The following LHX4 variants were observed in gnomAD, a reference collection of about 807,000 sequenced individuals.
The protein encoded by LHX4 is LIM homeobox 4.
LHX4 carries 16 observed loss-of-function variants against 39.2 expected under a neutral mutation model. The ratio of observed to expected loss-of-function variants is 0.41; its 90% CI spans 0.28 to 0.62. The LOEUF is 0.62. Among genes scored for constraint, LHX4 ranks in the 20% least tolerant of loss-of-function variants. The pLI, the probability that LHX4 is intolerant of heterozygous loss-of-function variation, is 0.33. For missense variants in LHX4, 439 were observed against 511.9 expected, an observed-to-expected ratio of 0.86 and a Z score of 1.37; for synonymous variants, 206 against 198.1, an observed-to-expected ratio of 1.04 and a Z score of -0.33.
At chr1:180,258,420 A>G (rs388739) in intron 2 of LHX4, among the ~76,000 whole-genome samples, 29,603 of 152,020 alleles carry the variant, frequency 0.19, 5,948 homozygotes, top group African/African-American at 0.52. Context: ...GCCGTTAGGG[A>G]GCCTGTGGCT....
At position 180,249,906 on chromosome 1, in the gene LHX4, T is replaced by C. The variant is rs1029670424; in HGVS notation, c.248+1450T>C. Among the ~76,000 whole-genome samples, 13 of 146,998 alleles carry C rather than the reference T, an allele frequency of 8.8e-5. 1 individual carries two copies. On this transcript the variant is annotated intron_variant, in intron 2 of 5. Transcript: ENST00000263726. ...GTGTGAGTGTGTGTATGAGTGTGTG[T>C]GTGACAGTGTGTGTGAGAGTGTGTG...
chr1:180,270,248 G>A (rs1334973442), intron 3 of LHX4: 1 of 152,264 alleles, frequency 6.6e-6, no homozygotes. Flanking sequence ...GCTAACACAT[G>A]TTGGCTACTA....
rs549370365 is a variant in LHX4 at position 180,275,821 on chromosome 1, G to A, written c.*1242G>A. The A allele has an allele frequency of 6.6e-6, 1 of 152,428 alleles. No homozygotes were observed. Among genetic ancestry groups the A allele is most frequent in the South Asian group, 2.1e-4 (1 of 4,834 alleles). The allele number at this position is 152,428 out of a possible 1,614,324, so 9.4% of individuals were successfully genotyped here. On this transcript the variant is annotated 3_prime_UTR_variant, in exon 6 of 6. Coordinates refer to ENST00000263726, the MANE Select transcript of LHX4 (RefSeq NM_033343.4). ...GCCTTGGGCTGCAGTCCCATGGTCAGAAAGCCAGAACTCTCTGGCCAGTGG... is the reference window on the plus strand; with the variant it reads ...GCCTTGGGCTGCAGTCCCATGGTCAAAAAGCCAGAACTCTCTGGCCAGTGG...
In LHX4 at chr1:180,234,848, G is replaced by C. The variant is rs1418490157; in HGVS notation, c.76+4243G>C. On this transcript the variant is annotated intron_variant, in intron 1 of 5. Transcript: ENST00000263726. This position sits in a 1 kb window ranked among gnomAD's most constrained non-coding sequence, Gnocchi z 4.8. ...GGGCTGAGCAGGAGTGGCGTCCTAG[G>C]GTCTGGGAGCGCGACCCACATGACC... Among the ~76,000 whole-genome samples the C allele has an allele frequency of 6.6e-6, 1 of 152,238 alleles. No individual in the cohort carries two copies. Among genetic ancestry groups the C allele is most frequent in the Non-Finnish European group, 1.5e-5 (1 of 68,042 alleles).
chr1:180,229,177 T>C (rs1228853173), upstream of LHX4, among the ~76,000 whole-genome samples: 3 of 152,234 alleles, frequency 2.0e-5, no homozygotes, highest in African/African-American at 7.2e-5. Flanking sequence ...GCCCTTTCGC[T>C]GGTTAACCCC....
At chr1:180,239,181 G>A (rs1211258122) in intron 1 of LHX4, among the ~76,000 whole-genome samples, 1 of 152,178 alleles carries the variant, frequency 6.6e-6, no homozygotes, top group Non-Finnish European at 1.5e-5. Flanking sequence ...ATATCCTGTA[G>A]CTTCACCTTG....
Position 180,277,749 on chromosome 1 carries a change from A to G in LHX4, c.*3170A>G, listed in dbSNP as rs1203066067. 2.0e-5 allele frequency: 3 copies of G among 152,164 alleles called. No homozygotes were observed. The highest frequency in any genetic ancestry group is 4.8e-5 in the African/African-American group (2 of 41,428). 9.4% of individuals were successfully genotyped at this position (152,164 alleles called of 1,614,324 possible). ...CTTGTCTCATCTGACAGTTATGAAT[A>G]TAACGTAAAATAAAGATCAACTATC... On this transcript the variant is annotated 3_prime_UTR_variant, in exon 6 of 6. Transcript: ENST00000263726.
Position 180,232,447 on chromosome 1 carries a change from T to G in LHX4, c.76+1842T>G, listed in dbSNP as rs1247562401. Among the ~76,000 whole-genome samples, 1 of 151,910 alleles carries G rather than the reference T, an allele frequency of 6.6e-6. No individual in the cohort carries two copies. Among genetic ancestry groups the G allele is most frequent in the African/African-American group, 2.4e-5 (1 of 41,380 alleles). On this transcript the variant is annotated intron_variant, in intron 1 of 5. Transcript: ENST00000263726. This position sits in a 1 kb window ranked among gnomAD's most constrained non-coding sequence, Gnocchi z 5.4. Reference sequence around the variant, plus strand: ...TTTGCTAAAATGCCCAGAACTCACCTTCAGAGCTACAGTTTGCCAAGGCTG... The same window carrying G: ...TTTGCTAAAATGCCCAGAACTCACCGTCAGAGCTACAGTTTGCCAAGGCTG...
intron 1 of LHX4, among the ~76,000 whole-genome samples, chr1:180,237,241 T>C (rs1301502931): frequency 6.6e-6 from 1 of 151,946 alleles, no homozygotes; most frequent in East Asian, 1.9e-4. Context: ...AGGGCGGTCG[T>C]GTGTCCAGCA....
chr1:180,245,218 G>A (rs3911336), intron 1 of LHX4, among the ~76,000 whole-genome samples: 27,345 of 152,116 alleles, frequency 0.18, 2,589 homozygotes, highest in African/African-American at 0.2. Flanking sequence ...GGAGAAACCC[G>A]CTCCCCCTTG....
At position 180,274,485 on chromosome 1, in the gene LHX4, C is replaced by A. The variant is rs755779045; in HGVS notation, c.1079C>A (p.Thr360Asn). Residue 360 changes from threonine to asparagine, a missense_variant, in exon 6 of 6, where the codon ACC becomes AAC. Transcript: ENST00000263726. ...CTGAGAGCCATGGCTGGGGGACCCA[C>A]CTCTGACATCTCCACAGGAAGCAGT... Reference protein sequence around the residue: ...QTLRAMAGGPTSDISTGSSVG... With the variant: ...QTLRAMAGGPNSDISTGSSVG... The A allele has an allele frequency of 8.7e-6, 14 of 1,613,830 alleles. No individual in the cohort carries two copies. The highest frequency in any genetic ancestry group is 1.2e-5 in the Non-Finnish European group (14 of 1,180,038).
chr1:180,242,120 C>T (rs1571260459), intron 1 of LHX4, among the ~76,000 whole-genome samples: 1 of 152,280 alleles, frequency 6.6e-6, no homozygotes, highest in East Asian at 1.9e-4. Context: ...TCACTCCCTA[C>T]TCTCCCCACT....
rs775114506 is a variant in LHX4, at chr1:180,232,057, T to C, written c.76+1452T>C. Among the ~76,000 whole-genome samples, 1 of 152,156 alleles carries C rather than the reference T, an allele frequency of 6.6e-6. No homozygotes were observed. The highest frequency in any genetic ancestry group is 1.5e-5 in the Non-Finnish European group (1 of 68,026). ...CGCTAAGATGTTTTCATAGAAGGCA[T>C]TGGAGATTCACTACGCCCCACACCC... is the stretch of plus-strand genomic sequence containing the variant. On this transcript the variant is annotated intron_variant, in intron 1 of 5. Coordinates refer to ENST00000263726, the MANE Select transcript of LHX4 (RefSeq NM_033343.4). This position sits in a 1 kb window ranked among gnomAD's most constrained non-coding sequence, Gnocchi z 5.4.
chr1:180,259,938 G>A (rs1324229468), intron 2 of LHX4, among the ~76,000 whole-genome samples: 1 of 151,570 alleles, frequency 6.6e-6, no homozygotes, highest in Admixed American at 6.6e-5. Flanking sequence ...ACAAGGTCTG[G>A]GGGAGTGAGC....
intron 1 of LHX4, among the ~76,000 whole-genome samples, chr1:180,236,803 A>G (rs762889739): frequency 5.3e-5 from 8 of 152,198 alleles, no homozygotes; most frequent in Non-Finnish European, 7.3e-5. Context: ...AGCTGAAGAG[A>G]GGACAAAAGG....
rs936346278 is a variant in LHX4 at position 180,276,623 on chromosome 1, C to T, written c.*2044C>T. ...TGTGAGGAAAGGAAAATGCAGTCGT[C>T]TTTTTGGAGGATGGCTTTTTAAATA... On this transcript the variant is annotated 3_prime_UTR_variant, in exon 6 of 6. Coordinates refer to ENST00000263726, the MANE Select transcript of LHX4 (RefSeq NM_033343.4). 6.6e-6 allele frequency: 1 copy of T among 152,200 alleles called. No individual in the cohort carries two copies. The highest frequency in any genetic ancestry group is 2.4e-5 in the African/African-American group (1 of 41,452). 9.4% of individuals were successfully genotyped at this position (152,200 alleles called of 1,614,324 possible).
intron 2 of LHX4, 52 bp downstream of exon 2, chr1:180,248,508 A>C: frequency 4.4e-6 from 7 of 1,591,124 alleles, no homozygotes; most frequent in Non-Finnish European, 6.0e-6. Context: ...GCCTCTCCCC[A>C]AGCAGTGAGG....
At chr1:180,246,282 G>C (rs779613446) in intron 1 of LHX4, among the ~76,000 whole-genome samples, 1 of 152,168 alleles carries the variant, frequency 6.6e-6, no homozygotes, top group African/African-American at 2.4e-5. Context: ...AAGTACAAAC[G>C]TCTTAATAGT....
Position 180,255,496 on chromosome 1 carries a change from T to A in LHX4, c.248+7040T>A, listed in dbSNP as rs1243138044. Among the ~76,000 whole-genome samples the A allele has an allele frequency of 2.6e-5, 4 of 152,246 alleles. No individual in the cohort carries two copies. In the East Asian group the frequency reaches 7.7e-4, roughly 29 times the overall value. On this transcript the variant is annotated intron_variant, in intron 2 of 5. Transcript: ENST00000263726. ...TGTGTGACTTTCCATAATTTCTGAA[T>A]AGTTTATAGTCTAATTTCCTCGCTA...
Sources: gnomAD v4.1 joint callset for allele counts (sites outside exome capture counted in the v4.1 genomes callset) on GRCh38, gnomAD v4.1.1 for gene constraint, Gnocchi (gnomAD v3.1) non-coding constraint, MANE v1.5 for transcripts, NCBI Gene and HGNC (gene_info 2026-07-23, HGNC 2026-07-21) for gene names.